Variants in KCNIP4 observed in about 807,000 individuals in gnomAD.
The protein encoded by KCNIP4 is potassium voltage-gated channel interacting protein 4, also known as Kv channel-interacting protein 4.
KCNIP4 carries 12 observed loss-of-function variants against 34.0 expected under a neutral mutation model. That is an observed-to-expected ratio of 0.35 (90% CI 0.23 to 0.57). The LOEUF (loss-of-function observed/expected upper bound fraction) is 0.57, where lower values mean the gene tolerates loss of function less well. Ranked by LOEUF, KCNIP4 falls within the 20% of genes least tolerant of loss-of-function variation. The probability of loss-of-function intolerance (pLI) is 0.83; values close to 1 mark genes in which losing one functional copy is unlikely to be tolerated. For synonymous variants in KCNIP4, 124 were observed against 102.2 expected, an observed-to-expected ratio of 1.21 and a Z score of -1.29; for missense variants, 238 against 311.7, an observed-to-expected ratio of 0.76 and a Z score of 1.78.
At chr4:21,909,161 C>T (rs889305711) in intron 1 of KCNIP4, among the ~76,000 whole-genome samples, 3 of 152,122 alleles carry the variant, frequency 2.0e-5, no homozygotes, top group Non-Finnish European at 4.4e-5. Context: ...GAATAGGACA[C>T]TATAGAAATA....
intron 1 of KCNIP4, among the ~76,000 whole-genome samples, chr4:21,638,840 C>CT (rs1181878026): frequency 1.3e-5 from 2 of 152,230 alleles, no homozygotes; most frequent in Non-Finnish European, 1.5e-5. Context: ...AGTGAAACTC[C>CT]TTTTTTGTAC....
chr4:20,827,975 T>A (rs1302516681), intron 3 of KCNIP4, among the ~76,000 whole-genome samples: 1 of 152,208 alleles, frequency 6.6e-6, no homozygotes, highest in Non-Finnish European at 1.5e-5. Flanking sequence ...ACAATTGTGA[T>A]GTGTAATATA....
At chr4:21,199,310 T>G (rs1417967524) in intron 1 of KCNIP4, among the ~76,000 whole-genome samples, 1 of 152,234 alleles carries the variant, frequency 6.6e-6, no homozygotes, top group Non-Finnish European at 1.5e-5. Flanking sequence ...GATTTGCATT[T>G]CTCTGATGGC....
At chr4:20,855,167 T>C (rs1721441532) in intron 2 of KCNIP4, among the ~76,000 whole-genome samples, 1 of 152,118 alleles carries the variant, frequency 6.6e-6, no homozygotes, top group East Asian at 1.9e-4. Flanking sequence ...TCTGGAGGAT[T>C]TGGAAATATA....
chr4:20,835,122 C>T (rs989713182), intron 3 of KCNIP4, among the ~76,000 whole-genome samples: 1 of 152,130 alleles, frequency 6.6e-6, no homozygotes, highest in African/African-American at 2.4e-5. Context: ...CCTTATCTTG[C>T]TTGTCTGCTT....
chr4:21,126,654 C>G (rs1750646838), intron 1 of KCNIP4, among the ~76,000 whole-genome samples: 1 of 144,614 alleles, frequency 6.9e-6, no homozygotes, highest in African/African-American at 2.6e-5. Context: ...AGGTTTTTGT[C>G]TCTTGGTATT....
intron 1 of KCNIP4, among the ~76,000 whole-genome samples, chr4:21,912,422 T>C (rs1359810487): frequency 6.6e-6 from 1 of 152,244 alleles, no homozygotes; most frequent in Non-Finnish European, 1.5e-5. Flanking sequence ...TCAGTTCTGG[T>C]TTTTGTCCAC....
At chr4:20,759,060 A>G (rs17623902) in intron 3 of KCNIP4, among the ~76,000 whole-genome samples, 170 bp from the exon 4 acceptor site, 110,262 of 151,972 alleles carry the variant, frequency 0.73, 40,163 homozygotes, top group African/African-American at 0.8. Flanking sequence ...TGTTTGTTCC[A>G]GTTCTCACAA....
chr4:20,891,577 C>T (rs543859145), intron 1 of KCNIP4, among the ~76,000 whole-genome samples: 1 of 152,208 alleles, frequency 6.6e-6, no homozygotes, highest in Admixed American at 6.5e-5. Flanking sequence ...GGCACTCTAG[C>T]CTGGAGACAG....
intron 1 of KCNIP4, among the ~76,000 whole-genome samples, chr4:21,295,298 T>C (rs1763772998): frequency 6.6e-6 from 1 of 152,140 alleles, no homozygotes; most frequent in East Asian, 1.9e-4. Context: ...CCTGGTGGTA[T>C]CTGGTGCAGA....
chr4:21,592,380 T>C (rs1477184771), intron 1 of KCNIP4, among the ~76,000 whole-genome samples: 1 of 152,146 alleles, frequency 6.6e-6, no homozygotes, highest in Non-Finnish European at 1.5e-5. Context: ...TTATTTTAAG[T>C]ATTCCATCAT....
intron 1 of KCNIP4, among the ~76,000 whole-genome samples, chr4:21,783,812 A>G (rs978457055): frequency 2.6e-5 from 4 of 152,228 alleles, no homozygotes; most frequent in Non-Finnish European, 5.9e-5. Flanking sequence ...TATTATTTCT[A>G]TTAATTTACA....
chr4:21,583,193 A>G lies in KCNIP4; in HGVS notation c.61+365378T>C, dbSNP rs373697086. 3.4e-3 allele frequency among the ~76,000 whole-genome samples: 523 copies of G among 152,096 alleles called. 4 individuals carry two copies. Among genetic ancestry groups the G allele is most frequent in the African/African-American group, 0.012 (506 of 41,538 alleles). Reference sequence around the variant, plus strand: ...ATTTTACAAATTAAGCATTATGAACAATTTGTAAGTGCATTCTAATACTGT... The same window carrying G: ...ATTTTACAAATTAAGCATTATGAACGATTTGTAAGTGCATTCTAATACTGT... On this transcript the variant is annotated intron_variant, in intron 1 of 8. Coordinates refer to ENST00000382152, the MANE Select transcript of KCNIP4 (RefSeq NM_025221.6).
chr4:21,195,825 C>T (rs763922867), intron 1 of KCNIP4, among the ~76,000 whole-genome samples: 2 of 145,962 alleles, frequency 1.4e-5, no homozygotes, highest in Non-Finnish European at 3.1e-5. Flanking sequence ...CCCAAGTAGA[C>T]TCTCAATTCT....
intron 3 of KCNIP4, among the ~76,000 whole-genome samples, chr4:20,832,440 A>G (rs774463639): frequency 8.5e-5 from 13 of 152,164 alleles, no homozygotes; most frequent in Non-Finnish European, 1.9e-4. Flanking sequence ...AATTAAAGAC[A>G]AACTGTGGTG....
At chr4:21,198,586 C>T (rs933258680) in intron 1 of KCNIP4, among the ~76,000 whole-genome samples, 14 of 152,308 alleles carry the variant, frequency 9.2e-5, no homozygotes, top group African/African-American at 3.1e-4. Flanking sequence ...CTTTAGACCT[C>T]TTGCTTATCT....
intron 1 of KCNIP4, among the ~76,000 whole-genome samples, chr4:21,685,728 C>T (rs148773365): frequency 6.6e-6 from 1 of 152,274 alleles, no homozygotes; most frequent in African/African-American, 2.4e-5. Context: ...ACAAAAAATT[C>T]GTTTATATGA....
intron 1 of KCNIP4, among the ~76,000 whole-genome samples, chr4:21,867,345 G>A (rs974807646): frequency 1.3e-5 from 2 of 152,128 alleles, no homozygotes; most frequent in Admixed American, 1.3e-4. Flanking sequence ...TTACCAGAGG[G>A]GGTGGGGTGC....
intron 1 of KCNIP4, among the ~76,000 whole-genome samples, chr4:21,519,073 A>T (rs984534069): frequency 3.9e-5 from 6 of 152,086 alleles, no homozygotes; most frequent in African/African-American, 1.2e-4. Context: ...TTATCGACTG[A>T]TTATTTATGT....
Sources: gnomAD v4.1 joint callset for allele counts (sites outside exome capture counted in the v4.1 genomes callset) on GRCh38, gnomAD v4.1.1 for gene constraint, MANE v1.5 for transcripts, NCBI Gene and HGNC (gene_info 2026-07-23, HGNC 2026-07-21) for gene names.